FAM234A: variants seen among roughly 807,000 people sequenced by gnomAD.
FAM234A encodes the protein protein FAM234A.
Under a neutral mutation model 49.1 loss-of-function variants are expected in FAM234A, and 42 were observed. The ratio of observed to expected loss-of-function variants is 0.86; its 90% CI spans 0.67 to 1.11. FAM234A has a LOEUF of 1.11. Ranked by LOEUF, FAM234A falls within the 50% of genes least tolerant of loss-of-function variation. The pLI, the probability that FAM234A is intolerant of heterozygous loss-of-function variation, is 0.00. For synonymous variants in FAM234A, 369 were observed against 316.2 expected (o/e 1.17, Z -1.77); for missense variants, 815 against 745.2 (o/e 1.09, Z -1.09).
intron 2 of FAM234A, among the ~76,000 whole-genome samples, chr16:251,348 T>C (rs553888901): frequency 1.3e-5 from 2 of 152,298 alleles, no homozygotes; most frequent in South Asian, 4.2e-4. Context: ...TACAAGTTTT[T>C]GTTTGAGCCT....
At chr16:242,674 G>A (rs1448932185) in intron 1 of FAM234A, among the ~76,000 whole-genome samples, 2 of 149,224 alleles carry the variant, frequency 1.3e-5, no homozygotes, top group Middle Eastern at 3.2e-3. Flanking sequence ...GTGCAATGGC[G>A]CTATCTCAGC....
In FAM234A at chr16:259,487, C is replaced by T. The variant is rs761293361; in HGVS notation, c.273C>T (p.Ile91=). The T allele has an allele frequency of 1.9e-6, 3 of 1,583,494 alleles. No homozygotes were observed. In the South Asian group the frequency reaches 3.3e-5, roughly 18 times the overall value. Residue 91 remains isoleucine (I), a synonymous_variant, in exon 4 of 13, where the codon ATC becomes ATT. Coordinates refer to ENST00000399932, the MANE Select transcript of FAM234A (RefSeq NM_032039.4). ...GTCTGTGGTTTTCTCTTTCAGTTATCTATGACTTTCTGGCTGTGGATGATA... is the reference window on the plus strand; with the variant it reads ...GTCTGTGGTTTTCTCTTTCAGTTATTTATGACTTTCTGGCTGTGGATGATA... ...MWRIDYSAAV[I]YDFLAVDDIN...
chr16:264,799 C>G lies in FAM234A; in HGVS notation c.1448-12C>G. 6.2e-7 allele frequency: 1 copy of G among 1,607,840 alleles called. No homozygotes were observed. Among genetic ancestry groups the G allele is most frequent in the Non-Finnish European group, 8.5e-7 (1 of 1,178,816 alleles). On this transcript the variant is annotated splice_polypyrimidine_tract_variant and intron_variant, in intron 12 of 12. Transcript: ENST00000399932. ...CTGAGCCGCCCTGACAGCTGTGTCC[C>G]CCACCCTGCAGCCGTCCTGTTTGAG...
rs1359925802 is a variant in FAM234A, at chr16:250,703, C to A, written c.-34+1049C>A. ...TCATCCCACAAAGAAACCCTCAGCC[C>A]ATAGCAGTCATTCCCGACTCTCCCT... On this transcript the variant is annotated intron_variant, in intron 2 of 12. Transcript: ENST00000399932. 3.3e-5 allele frequency among the ~76,000 whole-genome samples: 5 copies of A among 152,228 alleles called. No individual in the cohort carries two copies. In the East Asian group the frequency reaches 5.8e-4, roughly 18 times the overall value.
At position 260,017 on chromosome 16, in the gene FAM234A, G is replaced by T; in HGVS notation, c.434G>T (p.Gly145Val). The change falls in exon 5 of 13, where the codon GGC (glycine) becomes GTC (valine). Residue 145 changes from glycine to valine, a missense_variant. Transcript: ENST00000399932. Reference sequence around the variant, plus strand: ...GCAGCTGCTGTGTCGGGGGCCAACGGCAGCACGCTCTGGGAGAGACCTGTG... The same window carrying T: ...GCAGCTGCTGTGTCGGGGGCCAACGTCAGCACGCTCTGGGAGAGACCTGTG... ...TFAAAVSGAN[G>V]STLWERPVAQ... 6.2e-7 allele frequency: 1 copy of T among 1,613,670 alleles called. No individual in the cohort carries two copies. The highest frequency in any genetic ancestry group is 8.5e-7 in the Non-Finnish European group (1 of 1,180,036).
intron 7 of FAM234A, 37 bp from the exon 8 acceptor site, chr16:262,387 A>C: frequency 3.8e-6 from 6 of 1,566,698 alleles, no homozygotes; most frequent in Non-Finnish European, 5.2e-6. Context: ...TCACAGCGTG[A>C]CCCTGGTGAC....
Position 261,967 on chromosome 16 carries a change from G to A in FAM234A, c.709-126G>A, listed in dbSNP as rs1208971054. On this transcript the variant is annotated intron_variant, in intron 6 of 12. Transcript: ENST00000399932. ...TAGAGTGCCCCGCCCCCAGGCTCAC[G>A]TCCCTCTCTTCCTGGGCCTTGTGTC... The A allele has an allele frequency of 2.8e-5, 36 of 1,276,534 alleles. 2 individuals are homozygous for A. In the South Asian group the frequency reaches 4.0e-4, roughly 14 times the overall value. The allele number at this position is 1,276,534 out of a possible 1,614,324, so 79.1% of individuals were successfully genotyped here.
chr16:246,632 G>A (rs2141222855), intron 1 of FAM234A, among the ~76,000 whole-genome samples: 1 of 150,906 alleles, frequency 6.6e-6, no homozygotes, highest in Non-Finnish European at 1.5e-5. Context: ...TGTTAGCCAG[G>A]ATGGTCTCAA....
chr16:235,599 A>G (rs2050372257), intron 1 of FAM234A, among the ~76,000 whole-genome samples: 1 of 152,160 alleles, frequency 6.6e-6, no homozygotes, highest in South Asian at 2.1e-4. Context: ...CCAGCTGAGG[A>G]GGCTGTGACG....
chr16:246,417 C>CTTTTTTT (rs1183467460), intron 1 of FAM234A, among the ~76,000 whole-genome samples: 2 of 67,304 alleles, frequency 3.0e-5, no homozygotes, highest in African/African-American at 7.1e-5. Context: ...TAGGTGGTGG[C>CTTTTTTT]TTTTTTTTTT....
intron 8 of FAM234A, among the ~76,000 whole-genome samples, 165 bp downstream of exon 8, chr16:262,718 C>G (rs1327999290): frequency 6.6e-6 from 1 of 151,770 alleles, no homozygotes; most frequent in Non-Finnish European, 1.5e-5. Context: ...GAGAAATGGT[C>G]AAATAAAAGT....
chr16:268,912 T>A (rs1390602386), downstream of FAM234A: 1 of 1,550,446 alleles, frequency 6.4e-7, no homozygotes, highest in Admixed American at 2.0e-5. Context: ...GCTGGCTGAT[T>A]TACTGGTTTT....
chr16:257,605 G>T (rs368165185), intron 3 of FAM234A, among the ~76,000 whole-genome samples: 6 of 149,058 alleles, frequency 4.0e-5, no homozygotes, highest in Non-Finnish European at 7.5e-5. Flanking sequence ...GATTTTTCCC[G>T]TTTTTTTTTT....
chr16:239,343 G>T (rs1018436451), intron 1 of FAM234A, among the ~76,000 whole-genome samples: 1 of 150,728 alleles, frequency 6.6e-6, no homozygotes, highest in Non-Finnish European at 1.5e-5. Flanking sequence ...GCCGGATGCG[G>T]TGGCTCACGC....
chr16:269,502 C>A (rs1302660192), downstream of FAM234A: 1 of 1,612,824 alleles, frequency 6.2e-7, no homozygotes, highest in Non-Finnish European at 8.5e-7. Flanking sequence ...CCTGGGCTCA[C>A]CGTCTCTTCA....
intron 7 of FAM234A, 97 bp downstream of exon 7, chr16:262,322 G>A: frequency 6.4e-7 from 1 of 1,570,736 alleles, no homozygotes. Flanking sequence ...AGGTGCTGGA[G>A]TCAGGAAGCC....
At chr16:259,421 C>T (rs1236959745) in intron 3 of FAM234A, 62 bp from the exon 4 acceptor site, 6 of 945,584 alleles carry the variant, frequency 6.3e-6, no homozygotes, top group Non-Finnish European at 1.0e-5. Flanking sequence ...TCGTGCTGGA[C>T]CTGATCGTTC....
At chr16:267,995 T>C (rs529220037), downstream of FAM234A, among the ~76,000 whole-genome samples, 213 of 145,246 alleles carry the variant, frequency 1.5e-3, no homozygotes, top group African/African-American at 5.3e-3. Context: ...TACACATGCC[T>C]CATACACACG....
intron 5 of FAM234A, chr16:260,422 G>A (rs1316143097): frequency 3.7e-6 from 2 of 545,396 alleles, no homozygotes; most frequent in East Asian, 3.4e-5. Flanking sequence ...GGGGCAGTCC[G>A]ATGTCACCTG....
Sources: allele counts gnomAD v4.1 joint callset (sites outside exome capture counted in the v4.1 genomes callset), GRCh38; gene constraint gnomAD v4.1.1; transcripts MANE v1.5; gene names NCBI Gene and HGNC (gene_info 2026-07-23, HGNC 2026-07-21).